The following CDH18 variants were observed in gnomAD, a reference collection of about 807,000 sequenced individuals.
CDH18 encodes cadherin-18.
Under a neutral mutation model 67.9 loss-of-function variants are expected in CDH18, and 31 were observed. The observed-to-expected ratio is 0.46, with a 90% CI of 0.34 to 0.62. The LOEUF (loss-of-function observed/expected upper bound fraction) is 0.62, where lower values mean the gene tolerates loss of function less well. Ranked by LOEUF, CDH18 falls within the 20% of genes least tolerant of loss-of-function variation. CDH18 has a pLI of 0.01. For synonymous variants in CDH18, 362 were observed against 347.2 expected (o/e 1.04, Z -0.48); for missense variants, 890 against 975.5 (o/e 0.91, Z 1.17).
At chr5:20,024,623 T>C (rs1738727298) in intron 2 of CDH18, among the ~76,000 whole-genome samples, 1 of 152,136 alleles carries the variant, frequency 6.6e-6, no homozygotes, top group Non-Finnish European at 1.5e-5. Flanking sequence ...TGATAAGTCG[T>C]TTGGAATGAC....
intron 1 of CDH18, among the ~76,000 whole-genome samples, chr5:20,512,075 T>C (rs749751475): frequency 4.0e-5 from 6 of 151,658 alleles, no homozygotes; most frequent in Non-Finnish European, 8.8e-5. Context: ...TACAAAAAAT[T>C]AGTTGGGTGT....
At chr5:19,650,018 A>T (rs957323581) in intron 5 of CDH18, among the ~76,000 whole-genome samples, 8 of 152,006 alleles carry the variant, frequency 5.3e-5, no homozygotes, top group Non-Finnish European at 7.4e-5. Flanking sequence ...CTCAAATTTT[A>T]AAAAATTTTA....
rs77818967 is a variant in CDH18, at chr5:19,736,653, T to A, written c.523+10289A>T. 2.7e-3 allele frequency among the ~76,000 whole-genome samples: 412 copies of A among 152,316 alleles called. 14 individuals carry two copies. The East Asian group carries it at 0.073, about 27-fold the overall frequency. ...CTACGTAATAAATTACTACAAACGT[T>A]GCATATAACAAAAGCTATCACATTT... On this transcript the variant is annotated intron_variant, in intron 4 of 12. Coordinates refer to ENST00000382275, the MANE Select transcript of CDH18 (RefSeq NM_004934.5).
At chr5:20,223,346 T>G (rs867943626) in intron 2 of CDH18, among the ~76,000 whole-genome samples, 32 of 152,304 alleles carry the variant, frequency 2.1e-4, no homozygotes, top group African/African-American at 7.2e-4. Flanking sequence ...TTGGAACAGT[T>G]GTATTTACCC....
chr5:20,475,102 CTAATTA>C (rs1265561161), intron 1 of CDH18, among the ~76,000 whole-genome samples: 4 of 152,212 alleles, frequency 2.6e-5, no homozygotes, highest in African/African-American at 2.4e-5. Flanking sequence ...CATTAAAATT[CTAATTA>C]TACTAAAATT....
At chr5:20,245,858 G>C (rs1220602873) in intron 2 of CDH18, among the ~76,000 whole-genome samples, 1 of 152,032 alleles carries the variant, frequency 6.6e-6, no homozygotes, top group East Asian at 1.9e-4. Context: ...TTTTCAGAAG[G>C]GAGTAATATA....
At chr5:19,832,320 A>G (rs1009764890) in intron 3 of CDH18, among the ~76,000 whole-genome samples, 1 of 152,148 alleles carries the variant, frequency 6.6e-6, no homozygotes, top group Non-Finnish European at 1.5e-5. Context: ...AACTATAGAT[A>G]CAAAAATTTC....
At chr5:19,497,566 G>T (rs532331533) in intron 11 of CDH18, among the ~76,000 whole-genome samples, 7 of 152,324 alleles carry the variant, frequency 4.6e-5, no homozygotes, top group Non-Finnish European at 7.3e-5. Flanking sequence ...TGTCAGGAAA[G>T]ATCCCATGGG....
chr5:20,110,244 T>C (rs1181348219), intron 2 of CDH18, among the ~76,000 whole-genome samples: 1 of 152,246 alleles, frequency 6.6e-6, no homozygotes, highest in Non-Finnish European at 1.5e-5. Context: ...TTTTTCTTAC[T>C]AACTCTTGGT....
intron 1 of CDH18, among the ~76,000 whole-genome samples, chr5:20,534,457 CA>C (rs1267954273): frequency 6.6e-6 from 1 of 151,832 alleles, no homozygotes; most frequent in African/African-American, 2.4e-5. Flanking sequence ...TGTAGAGATA[CA>C]AAACACAAGA....
At chr5:20,552,787 T>A (rs1456659346) in intron 1 of CDH18, among the ~76,000 whole-genome samples, 2 of 151,984 alleles carry the variant, frequency 1.3e-5, no homozygotes, top group Non-Finnish European at 2.9e-5. Context: ...AGAGTCTTGC[T>A]CTGTTGCCCA....
At chr5:20,421,467 T>C (rs1747852375) in intron 1 of CDH18, among the ~76,000 whole-genome samples, 2 of 150,888 alleles carry the variant, frequency 1.3e-5, no homozygotes, top group Admixed American at 1.3e-4. Context: ...AGTAAGATCA[T>C]TCCTACCAGA....
chr5:19,615,002 C>G (rs1749587786), intron 5 of CDH18, among the ~76,000 whole-genome samples: 1 of 152,060 alleles, frequency 6.6e-6, no homozygotes, highest in African/African-American at 2.4e-5. Context: ...AAAAAATTAG[C>G]TGGGCGTGGT....
intron 3 of CDH18, among the ~76,000 whole-genome samples, chr5:19,814,873 CACAT>C (rs200998491): frequency 0.025 from 3,361 of 133,242 alleles, 43 homozygotes; most frequent in African/African-American, 0.032. Context: ...CACACACACA[CACAT>C]GGACACACAC....
At chr5:20,439,867 A>G (rs1219475980) in intron 1 of CDH18, among the ~76,000 whole-genome samples, 1 of 151,830 alleles carries the variant, frequency 6.6e-6, no homozygotes, top group Admixed American at 6.6e-5. Flanking sequence ...TTTGAAATTT[A>G]TTATACGGCT....
At chr5:19,646,882 G>A (rs1265490855) in intron 5 of CDH18, among the ~76,000 whole-genome samples, 1 of 151,992 alleles carries the variant, frequency 6.6e-6, no homozygotes, top group Non-Finnish European at 1.5e-5. Flanking sequence ...GGATAGAAGA[G>A]AAAAAGATGG....
intron 2 of CDH18, among the ~76,000 whole-genome samples, chr5:19,972,856 T>A (rs928813828): frequency 6.6e-6 from 1 of 152,022 alleles, no homozygotes; most frequent in Non-Finnish European, 1.5e-5. Flanking sequence ...TAATAGTTTT[T>A]AATAGAAATA....
At chr5:20,192,732 C>T (rs1738646752) in intron 2 of CDH18, among the ~76,000 whole-genome samples, 1 of 152,092 alleles carries the variant, frequency 6.6e-6, no homozygotes, top group African/African-American at 2.4e-5. Context: ...GTACCAGCAC[C>T]ATGCTCTTTT....
At chr5:20,062,923 C>T (rs930799163) in intron 2 of CDH18, among the ~76,000 whole-genome samples, 1 of 151,304 alleles carries the variant, frequency 6.6e-6, no homozygotes, top group African/African-American at 2.4e-5. Flanking sequence ...ATTTAAACCT[C>T]ATTCTAAATT....
Sources: gnomAD v4.1 joint callset for allele counts (sites outside exome capture counted in the v4.1 genomes callset) on GRCh38, gnomAD v4.1.1 for gene constraint, MANE v1.5 for transcripts, NCBI Gene and HGNC (gene_info 2026-07-23, HGNC 2026-07-21) for gene names.